CHCHD6: variants seen among roughly 807,000 people sequenced by gnomAD.
CHCHD6 encodes coiled-coil-helix-coiled-coil-helix domain containing 6.
A neutral mutation model predicts 32.3 loss-of-function variants in CHCHD6; 28 were observed. The observed-to-expected ratio is 0.87, with a 90% CI of 0.64 to 1.19. The LOEUF (loss-of-function observed/expected upper bound fraction) is 1.19, where lower values mean the gene tolerates loss of function less well. CHCHD6 is among the 50% of genes most tolerant of loss of function. CHCHD6 has a pLI of 0.00. For synonymous variants in CHCHD6, 122 were observed against 117.5 expected, an observed-to-expected ratio of 1.04 and a Z score of -0.25; for missense variants, 333 against 307.0, an observed-to-expected ratio of 1.08 and a Z score of -0.63.
At chr3:126,924,457 C>T (rs956854820) in intron 6 of CHCHD6, among the ~76,000 whole-genome samples, 10 of 152,312 alleles carry the variant, frequency 6.6e-5, no homozygotes, top group East Asian at 1.9e-4. Context: ...AACAAGACTA[C>T]AAACACAACC....
intron 5 of CHCHD6, among the ~76,000 whole-genome samples, chr3:126,911,111 C>T (rs2078083789): frequency 6.6e-6 from 1 of 152,202 alleles, no homozygotes; most frequent in African/African-American, 2.4e-5. Flanking sequence ...CCCAGGAAGT[C>T]AGTCTGACCC....
intron 4 of CHCHD6, among the ~76,000 whole-genome samples, chr3:126,823,223 G>T (rs984947828): frequency 6.6e-6 from 1 of 152,100 alleles, no homozygotes; most frequent in African/African-American, 2.4e-5. Flanking sequence ...AGCCAATTTT[G>T]TTTTGTTTAA....
intron 6 of CHCHD6, among the ~76,000 whole-genome samples, chr3:126,934,680 C>G (rs2078453641): frequency 6.6e-6 from 1 of 150,644 alleles, no homozygotes; most frequent in African/African-American, 2.4e-5. Context: ...TCCTGAGTAT[C>G]TGGGACTACA....
intron 4 of CHCHD6, among the ~76,000 whole-genome samples, chr3:126,738,059 T>A (rs1267454794): frequency 6.6e-6 from 1 of 152,186 alleles, no homozygotes; most frequent in East Asian, 1.9e-4. Flanking sequence ...TGTGCCCCTC[T>A]AACCTAAGGA....
chr3:126,849,616 A>G (rs983418350), intron 4 of CHCHD6, among the ~76,000 whole-genome samples: 3 of 152,142 alleles, frequency 2.0e-5, no homozygotes, highest in Non-Finnish European at 4.4e-5. Context: ...TAATTTCAAA[A>G]TTTTTCCCTG....
intron 4 of CHCHD6, among the ~76,000 whole-genome samples, chr3:126,803,976 C>A (rs1049161634): frequency 6.6e-6 from 1 of 152,038 alleles, no homozygotes; most frequent in Admixed American, 6.5e-5. Flanking sequence ...GGATACATAA[C>A]GAAATGAAGG....
chr3:126,838,574 C>T (rs78905391), intron 4 of CHCHD6, among the ~76,000 whole-genome samples: 3,815 of 152,286 alleles, frequency 0.025, 116 homozygotes, highest in East Asian at 0.14. Flanking sequence ...GTGCCAACCT[C>T]ATGGAATGGT....
intron 6 of CHCHD6, among the ~76,000 whole-genome samples, chr3:126,930,429 A>G (rs1376789623): frequency 6.6e-6 from 1 of 152,252 alleles, no homozygotes; most frequent in African/African-American, 2.4e-5. Flanking sequence ...TCCTGGGCAC[A>G]GTTGAGTGGA....
chr3:126,895,065 G>A (rs577280846), intron 5 of CHCHD6, among the ~76,000 whole-genome samples: 10 of 152,166 alleles, frequency 6.6e-5, no homozygotes, highest in African/African-American at 1.9e-4. Flanking sequence ...GGAATCACAC[G>A]ATATTGTTCT....
chr3:126,841,641 C>G (rs141285111), intron 4 of CHCHD6, among the ~76,000 whole-genome samples: 1,806 of 152,146 alleles, frequency 0.012, 19 homozygotes, highest in Middle Eastern at 0.048. Context: ...CGTGGTTGCT[C>G]ACGCCTGTAA....
At chr3:126,706,398 G>C (rs1407803303) in intron 1 of CHCHD6, among the ~76,000 whole-genome samples, 1 of 152,060 alleles carries the variant, frequency 6.6e-6, no homozygotes, top group African/African-American at 2.4e-5. Context: ...AGATCTTTTC[G>C]GTGCAAAAAG....
chr3:126,932,554 C>T (rs2078421179), intron 6 of CHCHD6, among the ~76,000 whole-genome samples: 1 of 152,212 alleles, frequency 6.6e-6, no homozygotes, highest in African/African-American at 2.4e-5. Flanking sequence ...AGAGTTAGGG[C>T]CCAGAGAACG....
chr3:126,715,922 G>A (rs141611345), intron 1 of CHCHD6, among the ~76,000 whole-genome samples: 1 of 152,226 alleles, frequency 6.6e-6, no homozygotes, highest in East Asian at 1.9e-4. Context: ...TCTTACCTGC[G>A]CATTCAGTCA....
intron 4 of CHCHD6, among the ~76,000 whole-genome samples, chr3:126,835,206 A>G (rs967558609): frequency 2.0e-5 from 3 of 152,074 alleles, no homozygotes; most frequent in Non-Finnish European, 2.9e-5. Flanking sequence ...ACAGTTCCCT[A>G]TTCTCCAGTG....
chr3:126,812,339 G>A (rs1333734596), intron 4 of CHCHD6, among the ~76,000 whole-genome samples: 2 of 133,370 alleles, frequency 1.5e-5, no homozygotes, highest in Non-Finnish European at 3.1e-5. Context: ...TTGGCATGAT[G>A]TTATCAATCT....
chr3:126,862,408 T>C (rs1208193300), intron 5 of CHCHD6, among the ~76,000 whole-genome samples: 3 of 97,180 alleles, frequency 3.1e-5, no homozygotes, highest in African/African-American at 8.4e-5. Flanking sequence ...CATCACCACC[T>C]CCTCCTCCAC....
intron 4 of CHCHD6, among the ~76,000 whole-genome samples, chr3:126,738,959 A>G (rs1291293203): frequency 6.6e-6 from 1 of 152,210 alleles, no homozygotes; most frequent in Admixed American, 6.5e-5. Context: ...GTTGTGAAGT[A>G]TACTACCTGA....
chr3:126,744,063 T>G (rs139140175), intron 4 of CHCHD6, among the ~76,000 whole-genome samples: 3 of 152,240 alleles, frequency 2.0e-5, no homozygotes, highest in Non-Finnish European at 4.4e-5. Flanking sequence ...CACTCTTCTG[T>G]GTGTGGATCA....
intron 5 of CHCHD6, among the ~76,000 whole-genome samples, chr3:126,881,633 C>T (rs1221051517): frequency 1.3e-5 from 2 of 152,088 alleles, no homozygotes; most frequent in East Asian, 3.9e-4. Context: ...ATTCAGAGCC[C>T]CAGAGTTAGT....
Sources: gnomAD v4.1 joint callset for allele counts (sites outside exome capture counted in the v4.1 genomes callset) on GRCh38, gnomAD v4.1.1 for gene constraint, MANE v1.5 for transcripts, NCBI Gene and HGNC (gene_info 2026-07-23, HGNC 2026-07-21) for gene names.